SLCO5A1: variants seen among roughly 807,000 people sequenced by gnomAD.
SLCO5A1 encodes solute carrier organic anion transporter family member 5A1.
A neutral mutation model predicts 65.1 loss-of-function variants in SLCO5A1; 39 were observed. That is an observed-to-expected ratio of 0.60 (90% CI 0.46 to 0.78). The LOEUF is 0.78. SLCO5A1 is among the 30% of genes least tolerant of loss of function. The probability of loss-of-function intolerance (pLI) is 0.00; values close to 1 mark genes in which losing one functional copy is unlikely to be tolerated. For synonymous variants in SLCO5A1, 438 were observed against 415.7 expected, an observed-to-expected ratio of 1.05 and a Z score of -0.65; for missense variants, 1,029 against 1,069.4, an observed-to-expected ratio of 0.96 and a Z score of 0.53.
intron 2 of SLCO5A1, 60 bp downstream of exon 2, chr8:69,831,707 T>C: frequency 6.7e-7 from 1 of 1,498,118 alleles, no homozygotes; most frequent in Non-Finnish European, 9.1e-7. Context: ...TTTTGATTTT[T>C]GTAAGGAAAG....
chr8:69,789,177 A>G (rs1273605863), intron 2 of SLCO5A1, among the ~76,000 whole-genome samples: 6 of 152,222 alleles, frequency 3.9e-5, no homozygotes, highest in African/African-American at 1.4e-4. Context: ...GGCCTCAGCT[A>G]CTATAGAGCA....
chr8:69,788,392 G>A (rs937213300), intron 2 of SLCO5A1, among the ~76,000 whole-genome samples: 2 of 152,118 alleles, frequency 1.3e-5, no homozygotes, highest in Non-Finnish European at 1.5e-5. Context: ...TGAAAATCTC[G>A]TTACCTATCT....
Position 69,670,647 on chromosome 8 carries a change from C to T in SLCO5A1, c.*2222G>A, listed in dbSNP as rs945296049. On this transcript the variant is annotated 3_prime_UTR_variant, in exon 10 of 10. Coordinates refer to ENST00000260126, the MANE Select transcript of SLCO5A1 (RefSeq NM_030958.3). The stretch of plus-strand genomic sequence containing the variant: ...TCAGGTAATATGACACCTGAAGATA[C>T]CTGGCACCTGATCAGTGATCGCCAA... 3 of 152,094 alleles carry T rather than the reference C, an allele frequency of 2.0e-5. No individual in the cohort carries two copies. Among genetic ancestry groups the T allele is most frequent in the Admixed American group, 6.6e-5 (1 of 15,266 alleles). The allele number at this position is 152,094 out of a possible 1,614,324, so 9.4% of individuals were successfully genotyped here. A position where few individuals can be genotyped will look rare whatever the true frequency, so the allele number is the denominator to read the frequency against.
intron 2 of SLCO5A1, among the ~76,000 whole-genome samples, chr8:69,803,768 T>C (rs1819864757): frequency 6.6e-6 from 1 of 152,058 alleles, no homozygotes; most frequent in African/African-American, 2.4e-5. Context: ...GTGGAAAAAC[T>C]GCTTAGGCCA....
intron 9 of SLCO5A1, among the ~76,000 whole-genome samples, chr8:69,675,472 G>A (rs995831494): frequency 6.6e-6 from 1 of 151,984 alleles, no homozygotes; most frequent in African/African-American, 2.4e-5. Flanking sequence ...CACTGCACCC[G>A]GCCTAAGGCA....
intron 5 of SLCO5A1, among the ~76,000 whole-genome samples, chr8:69,709,263 T>A (rs188921774): frequency 1.3e-5 from 2 of 152,308 alleles, no homozygotes; most frequent in African/African-American, 4.8e-5. Flanking sequence ...CACATTTATA[T>A]ACTGAGGAAA....
chr8:69,712,580 G>A (rs186186477), intron 5 of SLCO5A1, among the ~76,000 whole-genome samples: 9 of 152,238 alleles, frequency 5.9e-5, no homozygotes, highest in Admixed American at 4.6e-4. Context: ...TAGGTTCAGG[G>A]AGCTTCAATT....
chr8:69,795,810 G>C (rs1207223895), intron 2 of SLCO5A1, among the ~76,000 whole-genome samples: 1 of 152,222 alleles, frequency 6.6e-6, no homozygotes, highest in Non-Finnish European at 1.5e-5. Context: ...CCCTGCAGCA[G>C]GCTTCTACCT....
chr8:69,768,151 T>G (rs549008408), intron 2 of SLCO5A1, among the ~76,000 whole-genome samples: 3 of 152,246 alleles, frequency 2.0e-5, no homozygotes, highest in Admixed American at 2.0e-4. Flanking sequence ...GAGGATCACC[T>G]GAGTTTGGGA....
intron 7 of SLCO5A1, among the ~76,000 whole-genome samples, chr8:69,681,623 C>T (rs1813775413): frequency 6.6e-6 from 1 of 152,076 alleles, no homozygotes; most frequent in African/African-American, 2.4e-5. Context: ...ATATGAAAAC[C>T]TTCTCCCACA....
intron 2 of SLCO5A1, among the ~76,000 whole-genome samples, chr8:69,765,199 T>C (rs186165128): frequency 3.3e-5 from 5 of 152,106 alleles, no homozygotes; most frequent in African/African-American, 4.8e-5. Flanking sequence ...CCTGTGTGTA[T>C]ACAGATACAT....
chr8:69,738,214 G>T lies in SLCO5A1; in HGVS notation c.1259-10C>A. ...GCTGCTCTTGGTAGGTCTACAAAAT[G>T]ACAAAAATGACAAATGAATGTTATA... On this transcript the variant is annotated splice_polypyrimidine_tract_variant and intron_variant, in intron 4 of 9. Coordinates refer to ENST00000260126, the MANE Select transcript of SLCO5A1 (RefSeq NM_030958.3). 1 of 1,576,230 alleles carries T rather than the reference G, an allele frequency of 6.3e-7. No individual in the cohort carries two copies. The highest frequency in any genetic ancestry group is 8.6e-7 in the Non-Finnish European group (1 of 1,158,402).
In SLCO5A1 at chr8:69,832,050, C is replaced by A. The variant is rs532230255; in HGVS notation, c.624G>T (p.Gly208=). 9 of 1,612,406 alleles carry A rather than the reference C, an allele frequency of 5.6e-6. No homozygotes were observed. The South Asian group carries it at 9.9e-5, about 18-fold the overall frequency. ...LAVGGLLIAF[G]AALFALPHFI... ...AGTGAGGTAAGGCGAAGAGGGCTGC[C>A]CCGAAGGCGATGAGGAGTCCACCCA... The change falls in exon 2 of 10, where the codon GGG becomes GGT. Residue 208 remains glycine (G), a synonymous_variant. Transcript: ENST00000260126. This position sits in a 1 kb window ranked among gnomAD's most constrained non-coding sequence, Gnocchi z 4.5.
chr8:69,730,410 TTAATC>T (rs1389429249), intron 5 of SLCO5A1, among the ~76,000 whole-genome samples: 2 of 152,216 alleles, frequency 1.3e-5, no homozygotes, highest in African/African-American at 4.8e-5. Context: ...GGAAAGTTAT[TTAATC>T]TAAGATTTTA....
At chr8:69,732,239 A>G (rs1053020427) in intron 5 of SLCO5A1, among the ~76,000 whole-genome samples, 1 of 152,220 alleles carries the variant, frequency 6.6e-6, no homozygotes, top group Admixed American at 6.5e-5. Flanking sequence ...AATTTTAAAA[A>G]TTACACCCCA....
At chr8:69,784,876 AAAGAAAGAAAG>A (rs1423415059) in intron 2 of SLCO5A1, among the ~76,000 whole-genome samples, 10 of 136,708 alleles carry the variant, frequency 7.3e-5, no homozygotes, top group African/African-American at 2.8e-4. Context: ...AAGGAAGGAG[AAAGAAAGAAAG>A]AAGAAAGGAA....
At chr8:69,762,447 A>G (rs2130865107) in intron 2 of SLCO5A1, among the ~76,000 whole-genome samples, 1 of 152,022 alleles carries the variant, frequency 6.6e-6, no homozygotes, top group East Asian at 1.9e-4. Flanking sequence ...CGGCCTCCCA[A>G]AGTGCTGGGA....
At chr8:69,719,284 A>T (rs889193755) in intron 5 of SLCO5A1, among the ~76,000 whole-genome samples, 2 of 152,208 alleles carry the variant, frequency 1.3e-5, no homozygotes, top group Non-Finnish European at 2.9e-5. Flanking sequence ...GTTTCAAAAG[A>T]CATGCACAAT....
chr8:69,707,680 G>A (rs778281088), intron 5 of SLCO5A1, among the ~76,000 whole-genome samples: 4 of 152,160 alleles, frequency 2.6e-5, no homozygotes, highest in Non-Finnish European at 4.4e-5. Flanking sequence ...GCTTAGATGT[G>A]GTCAAAACTC....
Sources: allele counts gnomAD v4.1 joint callset (sites outside exome capture counted in the v4.1 genomes callset), GRCh38; gene constraint gnomAD v4.1.1; non-coding constraint Gnocchi (gnomAD v3.1); transcripts MANE v1.5; gene names NCBI Gene and HGNC (gene_info 2026-07-23, HGNC 2026-07-21).